The following WNK4 variants were observed in gnomAD, a reference collection of about 807,000 sequenced individuals.
WNK4 encodes the protein WNK lysine deficient protein kinase 4.
WNK4 carries 94 observed loss-of-function variants against 116.2 expected under a neutral mutation model. That is an observed-to-expected ratio of 0.81 (90% CI 0.68 to 0.96). WNK4 has a LOEUF of 0.96. Among genes scored for constraint, WNK4 ranks in the 40% least tolerant of loss-of-function variants. The pLI, the probability that WNK4 is intolerant of heterozygous loss-of-function variation, is 0.00. For synonymous variants in WNK4, 655 were observed against 672.7 expected (o/e 0.97, Z 0.41); for missense variants, 1,542 against 1,650.6 (o/e 0.93, Z 1.14).
At position 42,780,673 on chromosome 17, in the gene WNK4, T is replaced by C; in HGVS notation, c.-26T>C. On this transcript the variant is annotated 5_prime_UTR_variant, in exon 1 of 19. Coordinates refer to ENST00000246914, the MANE Select transcript of WNK4 (RefSeq NM_032387.5). ...CCTCCTCTCCGGCCGTCTGATTTTC[T>C]ACCCTTCGGCGCCCTGCTCTTCCTC... The C allele has an allele frequency of 6.2e-7, 1 of 1,603,278 alleles. No individual in the cohort carries two copies. The highest frequency in any genetic ancestry group is 8.5e-7 in the Non-Finnish European group (1 of 1,179,178).
At chr17:42,785,037 G>A (rs887703716) in intron 4 of WNK4, 60 bp from the exon 5 acceptor site, 25 of 1,538,446 alleles carry the variant, frequency 1.6e-5, no homozygotes, top group East Asian at 2.3e-5. Flanking sequence ...GGTGGGGGGT[G>A]GTGTCAAGCC....
Position 42,782,445 on chromosome 17 carries a change from A to G in WNK4, c.619-313A>G, listed in dbSNP as rs987717537. ...GCCCCCGGGTGCCCCCTCCCGCCCC[A>G]TGGCCGGCCTGGGCAGCCACAAAGG... On this transcript the variant is annotated intron_variant, in intron 1 of 18. Coordinates refer to ENST00000246914, the MANE Select transcript of WNK4 (RefSeq NM_032387.5). The surrounding 1 kb of genome is among the most constrained non-coding windows in gnomAD (Gnocchi z 4.2). 6.6e-6 allele frequency among the ~76,000 whole-genome samples: 1 copy of G among 151,918 alleles called. No individual in the cohort carries two copies. The highest frequency in any genetic ancestry group is 1.5e-5 in the Non-Finnish European group (1 of 67,972).
intron 4 of WNK4, 41 bp from the exon 5 acceptor site, chr17:42,785,056 G>A: frequency 6.3e-7 from 1 of 1,592,140 alleles, no homozygotes. Flanking sequence ...CCGAGAGCTG[G>A]GGATCAGAGG....
In WNK4 at chr17:42,795,718, C is replaced by T; in HGVS notation, c.3116C>T (p.Ser1039Phe). 6.2e-7 allele frequency: 1 copy of T among 1,613,556 alleles called. No homozygotes were observed. ...TTGCAGCCAACATCCCCCACTCTCT[C>T]TGGTTCTCCAAAACCTTCAACCCCT... Reference protein sequence around the residue: ...LPLQPTSPTLSGSPKPSTPQL... With the variant: ...LPLQPTSPTLFGSPKPSTPQL... The change falls in exon 16 of 19, where the codon TCT (serine) becomes TTT (phenylalanine). Residue 1039 changes from serine (S) to phenylalanine (F), a missense_variant. Ser to Phe is a radical substitution (Grantham distance 155). Around this residue, in one of 7 missense-constraint regions of WNK4, gnomAD observed 292 missense variants for 290.1 expected, o/e 1.01. Coordinates refer to ENST00000246914, the MANE Select transcript of WNK4 (RefSeq NM_032387.5).
intron 11 of WNK4, among the ~76,000 whole-genome samples, chr17:42,789,834 ATC>A (rs1162330157): frequency 1.3e-5 from 2 of 151,716 alleles, no homozygotes; most frequent in Non-Finnish European, 2.9e-5. Flanking sequence ...ATGAGACCCT[ATC>A]TCTACAAAAA....
In WNK4 at chr17:42,795,844, G is replaced by C. The variant is rs774875362; in HGVS notation, c.3242G>C (p.Gly1081Ala). 6.2e-7 allele frequency: 1 copy of C among 1,613,778 alleles called. No individual in the cohort carries two copies. The highest frequency in any genetic ancestry group is 1.1e-5 in the South Asian group (1 of 91,090). Residue 1081 changes from glycine (G) to alanine (A), a missense_variant, in exon 16 of 19, where the codon GGG becomes GCG. By Grantham distance (60) the Gly-to-Ala change is moderately conservative. Around this residue, in one of 7 missense-constraint regions of WNK4, gnomAD observed 292 missense variants for 290.1 expected, o/e 1.01. Coordinates refer to ENST00000246914, the MANE Select transcript of WNK4 (RefSeq NM_032387.5). ...AESDRAAEGL[G>A]AGVEEEGDDG... ...AGCGACCGTGCAGCTGAGGGTCTGG[G>C]GGCTGGAGTTGAGGAGGAAGGAGAT...
In WNK4 at chr17:42,788,324, G is replaced by A; in HGVS notation, c.1957G>A (p.Val653Met). 2 of 1,614,122 alleles carry A rather than the reference G, an allele frequency of 1.2e-6. No homozygotes were observed. Among genetic ancestry groups the A allele is most frequent in the South Asian group, 1.1e-5 (1 of 91,078 alleles). Reference protein sequence around the residue: ...ASDAASGLSDVGEGMGQMRRP... With the variant: ...ASDAASGLSDMGEGMGQMRRP... ...AGATGCAGCTTCAGGCCTTAGCGAT[G>A]TGGGAGAAGGGATGGGACAAATGAG... The change falls in exon 10 of 19, where the codon GTG becomes ATG. Residue 653 changes from valine to methionine, a missense_variant. Around this residue, in one of 7 missense-constraint regions of WNK4, gnomAD observed 808 missense variants for 873.6 expected, o/e 0.92. Transcript: ENST00000246914.
At chr17:42,783,046 A>G in intron 2 of WNK4, 116 bp downstream of exon 2, 1 of 1,375,564 alleles carries the variant, frequency 7.3e-7, no homozygotes, top group South Asian at 1.3e-5. Flanking sequence ...CAGGTTCACC[A>G]TCTCCCTCTC....
intron 12 of WNK4, 85 bp downstream of exon 12, chr17:42,793,814 G>T: frequency 6.5e-7 from 1 of 1,544,578 alleles, no homozygotes; most frequent in South Asian, 1.1e-5. Flanking sequence ...GGTCCCCTTG[G>T]ATTTAACTCC....
chr17:42,785,001 C>A, intron 4 of WNK4, 96 bp from the exon 5 acceptor site: 1 of 1,277,382 alleles, frequency 7.8e-7, no homozygotes, highest in Non-Finnish European at 1.1e-6. Flanking sequence ...GCACGCGCAG[C>A]TGCCTAAGGA....
At position 42,791,363 on chromosome 17, in the gene WNK4, G is replaced by T. The variant is rs1252795875; in HGVS notation, c.2158-2229G>T. Among the ~76,000 whole-genome samples, 3 of 152,374 alleles carry T rather than the reference G, an allele frequency of 2.0e-5. No homozygotes were observed. The East Asian group carries it at 5.8e-4, about 29-fold the overall frequency. On this transcript the variant is annotated intron_variant, in intron 11 of 18. Transcript: ENST00000246914. ...CTATTTTAAGAATAGGCTGTGCCGG[G>T]CATGGTGGCTCACGCCTGTAATCCC...
At position 42,793,780 on chromosome 17, in the gene WNK4, G is replaced by A. The variant is rs1205088897; in HGVS notation, c.2295+51G>A. On this transcript the variant is annotated intron_variant, in intron 12 of 18. Transcript: ENST00000246914. The stretch of plus-strand genomic sequence containing the variant: ...AGGGGAAATGGACTCTCTGCTCCAG[G>A]GTTTATTACTCTCTGCCCTCAGCGG... 3.1e-6 allele frequency: 5 copies of A among 1,611,398 alleles called. No homozygotes were observed. The Admixed American group carries it at 6.7e-5, about 22-fold the overall frequency.
At position 42,787,913 on chromosome 17, in the gene WNK4, G is replaced by T. The variant is rs748262281; in HGVS notation, c.1863+14G>T. The T allele has an allele frequency of 1.9e-6, 3 of 1,608,076 alleles. No individual in the cohort carries two copies. Among genetic ancestry groups the T allele is most frequent in the South Asian group, 2.2e-5 (2 of 91,072 alleles). ...TGCCTGCCCTCGGTGAGAGGGGGTC[G>T]CATGGGGGGCTCCCAGCCATTCCAA... On this transcript the variant is annotated intron_variant, in intron 8 of 18. Transcript: ENST00000246914.
Position 42,795,506 on chromosome 17 carries a change from G to A in WNK4, c.3007G>A (p.Ala1003Thr). The change falls in exon 15 of 19, where the codon GCG (alanine) becomes ACG (threonine). Residue 1003 changes from alanine (A) to threonine (T), a missense_variant. Ala to Thr is a moderately conservative substitution (Grantham distance 58). This residue lies in a region of WNK4 where 292 missense variants were observed against 290.1 expected (regional missense o/e 1.01). Coordinates refer to ENST00000246914, the MANE Select transcript of WNK4 (RefSeq NM_032387.5). Reference sequence around the variant, plus strand: ...GCCCCTCCCAGGGGAAGCCAGGCTGGCGCCCATCTCTGAAGGTAAGGCCTC... The same window carrying A: ...GCCCCTCCCAGGGGAAGCCAGGCTGACGCCCATCTCTGAAGGTAAGGCCTC... ...ARPLPGEARL[A>T]PISEEGKPQL... is the part of the protein sequence containing the mutation. 1 of 1,614,204 alleles carries A rather than the reference G, an allele frequency of 6.2e-7. No homozygotes were observed.
In WNK4 at chr17:42,785,470, G is replaced by A; in HGVS notation, c.1464G>A (p.Val488=). Residue 488 remains valine, a synonymous_variant, in exon 6 of 19, where the codon GTG becomes GTA. Transcript: ENST00000246914. The part of the protein sequence containing the change: ...FQLGRDAAEE[V]AQEMVALGLV... ...TGGGCCGGGACGCGGCCGAGGAGGT[G>A]GCACAGGAGATGGTGAGCGGAGGAC... 6.4e-7 allele frequency: 1 copy of A among 1,552,696 alleles called. No homozygotes were observed. Among genetic ancestry groups the A allele is most frequent in the Non-Finnish European group, 8.7e-7 (1 of 1,147,474 alleles).
chr17:42,784,339 A>G lies in WNK4; in HGVS notation c.1013-83A>G, dbSNP rs1042180204. ...GTGGGCCGGGGTCACTTGCACTCGC[A>G]GGGTTGCCTGGGGCTGCCTAGCCCA... On this transcript the variant is annotated intron_variant, in intron 3 of 18. Coordinates refer to ENST00000246914, the MANE Select transcript of WNK4 (RefSeq NM_032387.5). The surrounding 1 kb of genome is among the most constrained non-coding windows in gnomAD (Gnocchi z 4.4). 12 of 1,577,400 alleles carry G rather than the reference A, an allele frequency of 7.6e-6. No homozygotes were observed. The highest frequency in any genetic ancestry group is 1.0e-5 in the Non-Finnish European group (12 of 1,159,814).
Position 42,785,185 on chromosome 17 carries a change from G to A in WNK4, c.1259G>A (p.Arg420Lys). The change falls in exon 5 of 19, where the codon AGG becomes AAG. Residue 420 changes from arginine to lysine, a missense_variant and splice_region_variant. Transcript: ENST00000246914. ...TGCATCCGCACGGATAAGAACGAGA[G>A]GTGGGGGTGAAAGGGCAGAGCGTGG... Reference protein sequence around the residue: ...EGCIRTDKNERFTIQDLLAHA... With the variant: ...EGCIRTDKNEKFTIQDLLAHA... The A allele has an allele frequency of 6.2e-7, 1 of 1,613,734 alleles. No homozygotes were observed. Among genetic ancestry groups the A allele is most frequent in the Non-Finnish European group, 8.5e-7 (1 of 1,179,880 alleles).
At position 42,787,358 on chromosome 17, in the gene WNK4, A is replaced by G. The variant is rs776206365; in HGVS notation, c.1557A>G (p.Arg519=). Residue 519 remains arginine, a synonymous_variant, in exon 7 of 19, where the codon CGA becomes CGG. Transcript: ENST00000246914. ...AVRERVAAIQ[R]KREKLRKARE... The stretch of plus-strand genomic sequence containing the variant: ...GTGAACGGGTTGCTGCCATCCAGCG[A>G]AAGCGTGAGAAGCTGCGTAAAGCAA... The G allele has an allele frequency of 1.2e-6, 2 of 1,614,112 alleles. No homozygotes were observed. The highest frequency in any genetic ancestry group is 2.2e-5 in the South Asian group (2 of 91,084).
intron 1 of WNK4, 87 bp downstream of exon 1, chr17:42,781,403 C>A: frequency 6.4e-7 from 1 of 1,558,986 alleles, no homozygotes; most frequent in South Asian, 1.1e-5. Flanking sequence ...GAGACAGCAT[C>A]AAGGGAAGCA....
Sources: allele counts gnomAD v4.1 joint callset (sites outside exome capture counted in the v4.1 genomes callset), GRCh38; gene constraint gnomAD v4.1.1; regional missense constraint gnomAD v4.1.1; non-coding constraint Gnocchi (gnomAD v3.1); transcripts MANE v1.5; gene names NCBI Gene and HGNC (gene_info 2026-07-23, HGNC 2026-07-21).